TRPM3: variants seen among roughly 807,000 people sequenced by gnomAD.
The protein encoded by TRPM3 is long transient receptor potential channel 3.
In TRPM3, 77 loss-of-function variants were observed where a neutral mutation model predicts 181.2. The observed-to-expected ratio is 0.42, with a 90% confidence interval of 0.35 to 0.51. The LOEUF is 0.51. Among genes scored for constraint, TRPM3 ranks in the 20% least tolerant of loss-of-function variants. The pLI, the probability that TRPM3 is intolerant of heterozygous loss-of-function variation, is 0.01. For synonymous variants in TRPM3, 745 were observed against 796.4 expected, an observed-to-expected ratio of 0.94 and a Z score of 1.09; for missense variants, 1,759 against 2,196.7, an observed-to-expected ratio of 0.80 and a Z score of 3.98.
At chr9:70,601,511 C>T (rs548309758) in intron 20 of TRPM3, among the ~76,000 whole-genome samples, 24 of 152,122 alleles carry the variant, frequency 1.6e-4, no homozygotes, top group Non-Finnish European at 2.9e-4. Context: ...ACCCTTTGGT[C>T]GTCAAGCAAC....
At chr9:71,219,548 G>A (rs1207788354) in intron 1 of TRPM3, among the ~76,000 whole-genome samples, 1 of 152,200 alleles carries the variant, frequency 6.6e-6, no homozygotes, top group Non-Finnish European at 1.5e-5. Context: ...GTTGTCATTT[G>A]CTGCTAACTT....
intron 1 of TRPM3, among the ~76,000 whole-genome samples, chr9:70,963,966 T>C (rs2097162142): frequency 6.6e-6 from 1 of 152,160 alleles, no homozygotes; most frequent in Non-Finnish European, 1.5e-5. Context: ...GTGTTTTCTC[T>C]GGTGGTTTCT....
At chr9:71,394,757 G>GA (rs1209990503) in intron 1 of TRPM3, among the ~76,000 whole-genome samples, 14 of 152,226 alleles carry the variant, frequency 9.2e-5, no homozygotes, top group African/African-American at 2.4e-4. Context: ...AATTTCAAGA[G>GA]AAAAAAATCA....
At chr9:71,437,245 A>G (rs1481259590) in intron 1 of TRPM3, among the ~76,000 whole-genome samples, 1 of 152,230 alleles carries the variant, frequency 6.6e-6, no homozygotes, top group East Asian at 1.9e-4. Context: ...TAAATGAAAA[A>G]GGAAAGACAG....
intron 1 of TRPM3, among the ~76,000 whole-genome samples, chr9:70,871,036 G>A (rs1165873801): frequency 6.6e-6 from 1 of 151,872 alleles, no homozygotes. Flanking sequence ...GGAGAATTAA[G>A]TAAAAAGATA....
chr9:70,610,247 G>A (rs577927435), intron 19 of TRPM3, among the ~76,000 whole-genome samples: 214 of 152,204 alleles, frequency 1.4e-3, no homozygotes, highest in Admixed American at 3.9e-3. Flanking sequence ...CCCCAAATCC[G>A]GGACTGACAT....
intron 6 of TRPM3, among the ~76,000 whole-genome samples, chr9:70,811,508 C>T (rs2092031008): frequency 6.6e-6 from 1 of 152,148 alleles, no homozygotes; most frequent in African/African-American, 2.4e-5. Flanking sequence ...GCCTAGATAG[C>T]TTCTGTGGTG....
chr9:71,410,295 CT>C (rs1156812422), intron 1 of TRPM3, among the ~76,000 whole-genome samples: 1 of 18,468 alleles, frequency 5.4e-5, no homozygotes, highest in Non-Finnish European at 1.7e-4. Context: ...ACAAAAAACA[CT>C]TAAAAAAAAA....
chr9:70,657,789 G>A (rs1252171146), intron 9 of TRPM3, among the ~76,000 whole-genome samples: 4 of 152,034 alleles, frequency 2.6e-5, no homozygotes, highest in East Asian at 1.9e-4. Context: ...TCACATCTTC[G>A]GGTCTGGTAG....
intron 1 of TRPM3, among the ~76,000 whole-genome samples, chr9:70,935,795 T>G (rs1337014): frequency 1.3e-5 from 2 of 152,034 alleles, no homozygotes; most frequent in Non-Finnish European, 2.9e-5. Flanking sequence ...GCAGATTTTT[T>G]CCCCCAAGCG....
intron 1 of TRPM3, among the ~76,000 whole-genome samples, chr9:70,944,418 A>T (rs1057390788): frequency 6.6e-6 from 1 of 151,926 alleles, no homozygotes; most frequent in Non-Finnish European, 1.5e-5. Context: ...CCCTCTCCTC[A>T]ATTTCCACAG....
chr9:70,660,962 C>T (rs1220389545), intron 9 of TRPM3, among the ~76,000 whole-genome samples: 2 of 152,030 alleles, frequency 1.3e-5, no homozygotes, highest in African/African-American at 4.8e-5. Context: ...AATACCAAGA[C>T]CAGCAAAGGA....
At chr9:70,814,680 T>C (rs1564419785) in intron 6 of TRPM3, among the ~76,000 whole-genome samples, 1 of 152,098 alleles carries the variant, frequency 6.6e-6, no homozygotes, top group Non-Finnish European at 1.5e-5. Flanking sequence ...CCTTTTGTTT[T>C]AAAAGGAGAA....
chr9:71,143,704 C>T (rs900550456), intron 1 of TRPM3, among the ~76,000 whole-genome samples: 8 of 152,158 alleles, frequency 5.3e-5, no homozygotes, highest in Non-Finnish European at 8.8e-5. Context: ...GGTATATACC[C>T]AGTAATGGGA....
At chr9:70,993,784 CA>C (rs745913831) in intron 1 of TRPM3, among the ~76,000 whole-genome samples, 29 of 66,770 alleles carry the variant, frequency 4.3e-4, no homozygotes, top group African/African-American at 1.0e-3. Flanking sequence ...GATTCCATCT[CA>C]AAAAAAAAAA....
At chr9:70,563,445 G>A (rs1431492627) in intron 22 of TRPM3, among the ~76,000 whole-genome samples, 1 of 152,150 alleles carries the variant, frequency 6.6e-6, no homozygotes, top group Non-Finnish European at 1.5e-5. Flanking sequence ...GTAGCCCTAC[G>A]TCCTTCAGGC....
At chr9:70,662,050 C>T (rs190266167) in intron 9 of TRPM3, among the ~76,000 whole-genome samples, 9 of 152,186 alleles carry the variant, frequency 5.9e-5, no homozygotes, top group East Asian at 1.9e-4. Flanking sequence ...ATCAAAACCG[C>T]GGGGTACTGG....
intron 1 of TRPM3, chr9:70,865,411 C>CT (rs992936550): frequency 1.3e-5 from 2 of 152,092 alleles, no homozygotes; most frequent in African/African-American, 4.8e-5. Flanking sequence ...TTCTCTAAGC[C>CT]TTTAAGATGG....
At chr9:71,213,920 G>A (rs528168091) in intron 1 of TRPM3, among the ~76,000 whole-genome samples, 2 of 152,152 alleles carry the variant, frequency 1.3e-5, no homozygotes, top group African/African-American at 4.8e-5. Flanking sequence ...ATCAGAGCTT[G>A]GTGCAGATTT....
Sources: gnomAD v4.1 joint callset for allele counts (sites outside exome capture counted in the v4.1 genomes callset) on GRCh38, gnomAD v4.1.1 for gene constraint, MANE v1.5 for transcripts, NCBI Gene and HGNC (gene_info 2026-07-23, HGNC 2026-07-21) for gene names.